Variants in RPAP1 observed in about 807,000 individuals in gnomAD.
The protein encoded by RPAP1 is RNA polymerase II associated protein 1.
In RPAP1, 109 loss-of-function variants were observed where a neutral mutation model predicts 142.4. The observed-to-expected ratio is 0.77, with a 90% CI of 0.66 to 0.90. The LOEUF (loss-of-function observed/expected upper bound fraction) is 0.90. Ranked by LOEUF, RPAP1 falls within the 40% of genes least tolerant of loss-of-function variation. The pLI is 0.00. For missense variants in RPAP1, 1,546 were observed against 1,751.7 expected (o/e 0.88, Z 2.10); for synonymous variants, 704 against 738.9 (o/e 0.95, Z 0.77).
chr15:41,525,484 A>G (rs898251674), intron 14 of RPAP1, among the ~76,000 whole-genome samples: 2 of 150,152 alleles, frequency 1.3e-5, no homozygotes, highest in African/African-American at 4.9e-5. Flanking sequence ...GACTACAGGC[A>G]TGCGCCACCA....
In RPAP1 at chr15:41,524,212, C is replaced by G. The variant is rs754842367; in HGVS notation, c.2118G>C (p.Pro706=). The part of the protein sequence containing the change: ...PVLMRALQVV[P]RELSTHPPQP... ...GAGGTGGGTGGGTGCTGAGCTCCCG[C>G]GGCACCACCTGCAAGGCCCGCATCA... The change falls in exon 16 of 25, where the codon CCG becomes CCC. Residue 706 remains proline, a synonymous_variant. Transcript: ENST00000304330. The G allele has an allele frequency of 6.4e-7, 1 of 1,559,538 alleles. No individual in the cohort carries two copies. The highest frequency in any genetic ancestry group is 8.7e-7 in the Non-Finnish European group (1 of 1,152,180).
chr15:41,522,510 C>A lies in RPAP1; in HGVS notation c.2742+255G>T, dbSNP rs914447262. ...GGTTCAAGTGATTCTCCTGCCTCAG[C>A]CTCCCGAGTAGCTGGGATTACAGGC... On this transcript the variant is annotated intron_variant, in intron 19 of 24. Transcript: ENST00000304330. The A allele has an allele frequency of 8.8e-6, 5 of 566,398 alleles. No individual in the cohort carries two copies. The South Asian group carries it at 1.1e-4, about 13-fold the overall frequency. 35.1% of individuals were successfully genotyped at this position (566,398 alleles called of 1,614,324 possible).
Position 41,520,792 on chromosome 15 carries a change from C to A in RPAP1, c.3394G>T (p.Val1132Phe), listed in dbSNP as rs758158375. 1.9e-6 allele frequency: 3 copies of A among 1,613,826 alleles called. No homozygotes were observed. The highest frequency in any genetic ancestry group is 3.3e-5 in the Admixed American group (2 of 60,018). Residue 1132 changes from valine to phenylalanine, a missense_variant, in exon 22 of 25, where the codon GTC (valine) becomes TTC (phenylalanine). By Grantham distance (50) the Val-to-Phe change is conservative. Transcript: ENST00000304330. ...PTDTMGTAMRVLQWVLVLESW... is the reference protein window; with the variant it reads ...PTDTMGTAMRFLQWVLVLESW... ...TCCAAAACTAGCACCCACTGCAGGACCCGCATGGCTGTGCCCATGGTGTCT... is the reference window on the plus strand; with the variant it reads ...TCCAAAACTAGCACCCACTGCAGGAACCGCATGGCTGTGCCCATGGTGTCT...
At chr15:41,538,678 G>A (rs1231591858) in intron 1 of RPAP1, among the ~76,000 whole-genome samples, 7 of 152,146 alleles carry the variant, frequency 4.6e-5, no homozygotes, top group Non-Finnish European at 7.3e-5. Context: ...TATATAGATA[G>A]TATGAACAGT....
At chr15:41,528,456 G>A in intron 9 of RPAP1, 120 bp from the exon 10 acceptor site, 4 of 707,552 alleles carry the variant, frequency 5.7e-6, no homozygotes, top group Non-Finnish European at 9.8e-6. Flanking sequence ...GCTTTCCATG[G>A]AGCCTCAAGC....
Position 41,534,950 on chromosome 15 carries a change from T to G in RPAP1, c.542-15A>C. ...GGTCACGGCACCTGGAAGAAAGGTA[T>G]GATCACATTCATTGCTCTGTCCTCC... On this transcript the variant is annotated splice_polypyrimidine_tract_variant and intron_variant, in intron 5 of 24. Coordinates refer to ENST00000304330, the MANE Select transcript of RPAP1 (RefSeq NM_015540.4). 1 of 1,612,190 alleles carries G rather than the reference T, an allele frequency of 6.2e-7. No homozygotes were observed. Among genetic ancestry groups the G allele is most frequent in the Non-Finnish European group, 8.5e-7 (1 of 1,178,606 alleles).
Position 41,522,148 on chromosome 15 carries a change from G to A in RPAP1, c.2845C>T (p.Arg949Cys), listed in dbSNP as rs144404285. The change falls in exon 20 of 25, where the codon CGC becomes TGC. Residue 949 changes from arginine to cysteine, a missense_variant. Transcript: ENST00000304330. ...HLTPFSAWAL[R>C]HEYHLQYLAL... ...AGGTACTGCAGGTGGTACTCATGGC[G>A]CAGGGCCCATGCAGAGAAAGGTGTG... 2.8e-5 allele frequency: 45 copies of A among 1,613,878 alleles called. No homozygotes were observed. The highest frequency in any genetic ancestry group is 3.3e-5 in the Non-Finnish European group (39 of 1,180,016).
chr15:41,523,681 G>A, intron 17 of RPAP1, 90 bp downstream of exon 17: 2 of 1,086,364 alleles, frequency 1.8e-6, no homozygotes, highest in Admixed American at 4.0e-5. Flanking sequence ...AGTAGGAGTG[G>A]AGAGATGGAC....
rs146205248 is a variant in RPAP1, at chr15:41,532,892, T to C, written c.764-1690A>G. 2.1e-3 allele frequency among the ~76,000 whole-genome samples: 286 copies of C among 137,712 alleles called. 3 individuals carry two copies. The Middle Eastern group carries it at 0.028, about 13-fold the overall frequency. 90.3% of individuals were successfully genotyped at this position (137,712 alleles called of 152,430 possible). On this transcript the variant is annotated intron_variant, in intron 6 of 24. Transcript: ENST00000304330. Reference sequence around the variant, plus strand: ...TACTCAGGAGGCTGAGGCAGGAAAATCGCTTGAACTAGGGAGGTACAGGTT... The same window carrying C: ...TACTCAGGAGGCTGAGGCAGGAAAACCGCTTGAACTAGGGAGGTACAGGTT...
chr15:41,533,119 A>C (rs1595487017), intron 6 of RPAP1, among the ~76,000 whole-genome samples: 2 of 152,066 alleles, frequency 1.3e-5, no homozygotes, highest in East Asian at 3.9e-4. Context: ...TTCTTTCATA[A>C]GTAAAATAGG....
Position 41,524,167 on chromosome 15 carries a change from C to T in RPAP1, c.2163G>A (p.Arg721=). The change falls in exon 16 of 25, where the codon CGG becomes CGA. Residue 721 remains arginine, a synonymous_variant. Transcript: ENST00000304330. ...THPPQPLSMQ[R]IASLLTLLTQ... ...TGAGGAGAGTGAGCAGTGAGGCTAT[C>T]CGCTGCATGGACAGGGGTTGAGGTG... 1 of 1,598,248 alleles carries T rather than the reference C, an allele frequency of 6.3e-7. No homozygotes were observed. Among genetic ancestry groups the T allele is most frequent in the Non-Finnish European group, 8.5e-7 (1 of 1,171,434 alleles).
intron 6 of RPAP1, among the ~76,000 whole-genome samples, chr15:41,531,627 A>ACAT (rs2051851572): frequency 4.5e-5 from 1 of 22,032 alleles, no homozygotes; most frequent in African/African-American, 2.2e-4. Flanking sequence ...ATATATATAT[A>ACAT]TTTTTTTTTT....
chr15:41,536,926 C>G lies in RPAP1; in HGVS notation c.181+19G>C, dbSNP rs1236711490. On this transcript the variant is annotated intron_variant, in intron 2 of 24. Transcript: ENST00000304330. Reference sequence around the variant, plus strand: ...CTGTACCCTCTCTACTTCTCAGCCTCACATCCATGGGAACTCACTGTCCAA... The same window carrying G: ...CTGTACCCTCTCTACTTCTCAGCCTGACATCCATGGGAACTCACTGTCCAA... 3.1e-6 allele frequency: 5 copies of G among 1,610,062 alleles called. No individual in the cohort carries two copies. Among genetic ancestry groups the G allele is most frequent in the Non-Finnish European group, 4.2e-6 (5 of 1,176,946 alleles).
At chr15:41,543,042 T>C (rs1443785005) in intron 1 of RPAP1, among the ~76,000 whole-genome samples, 1 of 151,998 alleles carries the variant, frequency 6.6e-6, no homozygotes, top group Non-Finnish European at 1.5e-5. Flanking sequence ...AAAAGCAAAG[T>C]CCAGCTCACT....
chr15:41,526,812 C>A (rs1476995354), intron 14 of RPAP1, 86 bp downstream of exon 14: 1 of 1,355,642 alleles, frequency 7.4e-7, no homozygotes, highest in Non-Finnish European at 1.0e-6. Flanking sequence ...CAAGAGCTGG[C>A]CACCCAGAGT....
chr15:41,532,175 C>T lies in RPAP1; in HGVS notation c.764-973G>A, dbSNP rs183610290. The stretch of plus-strand genomic sequence containing the variant: ...TAGCTGGGACTACAGGCGTGTGCCA[C>T]CACGCCCAGCTAATTTTTGTATTTT... On this transcript the variant is annotated intron_variant, in intron 6 of 24. Coordinates refer to ENST00000304330, the MANE Select transcript of RPAP1 (RefSeq NM_015540.4). Among the ~76,000 whole-genome samples, 78 of 152,222 alleles carry T rather than the reference C, an allele frequency of 5.1e-4. No homozygotes were observed. In the East Asian group the frequency reaches 0.014, roughly 28 times the overall value.
Position 41,523,200 on chromosome 15 carries a change from T to C in RPAP1, c.2546+45A>G, listed in dbSNP as rs369606771. The C allele has an allele frequency of 2.2e-5, 30 of 1,333,640 alleles. No individual in the cohort carries two copies. In the African/African-American group the frequency reaches 3.8e-4, roughly 17 times the overall value. The allele number at this position is 1,333,640 out of a possible 1,614,324, so 82.6% of individuals were successfully genotyped here. A position where few individuals can be genotyped will look rare whatever the true frequency, so the allele number is the denominator to read the frequency against. On this transcript the variant is annotated intron_variant, in intron 18 of 24. Transcript: ENST00000304330. ...CCCAGGAATCCCACAAGGAAAGAAATTGCCTCCTCCCCTGCTTCCCCCAGC... is the reference window on the plus strand; with the variant it reads ...CCCAGGAATCCCACAAGGAAAGAAACTGCCTCCTCCCCTGCTTCCCCCAGC...
At chr15:41,536,428 T>C in intron 3 of RPAP1, 73 bp downstream of exon 3, 1 of 1,576,542 alleles carries the variant, frequency 6.3e-7, no homozygotes, top group Non-Finnish European at 8.7e-7. Flanking sequence ...CTGATAAGCC[T>C]CACCCACCCC....
At chr15:41,530,585 G>C (rs1301360224) in intron 7 of RPAP1, among the ~76,000 whole-genome samples, 1 of 152,216 alleles carries the variant, frequency 6.6e-6, no homozygotes. Flanking sequence ...TGGCCTCTCT[G>C]CTTCTGGTCT....
Sources: allele counts gnomAD v4.1 joint callset (sites outside exome capture counted in the v4.1 genomes callset), GRCh38; gene constraint gnomAD v4.1.1; transcripts MANE v1.5; gene names NCBI Gene and HGNC (gene_info 2026-07-23, HGNC 2026-07-21).